EFCAB5: variants seen among roughly 807,000 people sequenced by gnomAD.
EFCAB5 encodes EF-hand calcium binding domain 5, also known as EF-hand calcium-binding domain-containing protein 5.
In EFCAB5, 131 loss-of-function variants were observed where a neutral mutation model predicts 167.9. The ratio of observed to expected loss-of-function variants is 0.78; its 90% CI spans 0.68 to 0.90. The LOEUF (loss-of-function observed/expected upper bound fraction) is 0.90, where lower values mean the gene tolerates loss of function less well. EFCAB5 is among the 40% of genes least tolerant of loss of function. EFCAB5 has a pLI of 0.00. For missense variants in EFCAB5, 1,663 were observed against 1,745.2 expected (o/e 0.95, Z 0.84); for synonymous variants, 574 against 602.8 (o/e 0.95, Z 0.70).
intron 1 of EFCAB5, among the ~76,000 whole-genome samples, chr17:29,931,340 C>T (rs1482557874): frequency 1.3e-5 from 2 of 152,180 alleles, no homozygotes; most frequent in African/African-American, 2.4e-5. Flanking sequence ...ACAGGGCTGT[C>T]ATGAGCTCTT....
At chr17:29,990,009 T>A (rs2068377295) in intron 4 of EFCAB5, among the ~76,000 whole-genome samples, 1 of 152,204 alleles carries the variant, frequency 6.6e-6, no homozygotes, top group Non-Finnish European at 1.5e-5. Flanking sequence ...GAGGACTATA[T>A]CATTGCTCTG....
At position 30,090,655 on chromosome 17, in the gene EFCAB5, A is replaced by G. The variant is rs1404795825; in HGVS notation, c.3918A>G (p.Ile1306Met). Residue 1306 changes from isoleucine to methionine, a missense_variant, in exon 20 of 23, where the codon ATA (isoleucine) becomes ATG (methionine). By Grantham distance (10) the Ile-to-Met change is conservative. Transcript: ENST00000394835. ...TACTTGGCGAGTTCTCTGGAGAGAT[A>G]AAGAAAAAATATATCTTAGGTATCG... The part of the protein sequence containing the change: ...YEILGEFSGE[I>M]KKKYILEIEN... The G allele has an allele frequency of 1.9e-6, 3 of 1,612,594 alleles. No individual in the cohort carries two copies. The highest frequency in any genetic ancestry group is 2.5e-6 in the Non-Finnish European group (3 of 1,179,556).
Position 30,083,154 on chromosome 17 carries a change from C to T in EFCAB5, c.3579+111C>T, listed in dbSNP as rs189013380. 412 of 1,344,930 alleles carry T rather than the reference C, an allele frequency of 3.1e-4. 3 individuals are homozygous for T. Among genetic ancestry groups the T allele is most frequent in the Non-Finnish European group, 4.4e-5 (45 of 1,015,838 alleles). 83.3% of individuals were successfully genotyped at this position (1,344,930 alleles called of 1,614,324 possible). A position where few individuals can be genotyped will look rare whatever the true frequency, so the allele number is the denominator to read the frequency against. On this transcript the variant is annotated intron_variant, in intron 18 of 22. Coordinates refer to ENST00000394835, the MANE Select transcript of EFCAB5 (RefSeq NM_198529.4). ...AATTAGCTATTAGTCTAAAGGAAGA[C>T]AGATTTCCCAATACAAGACCCTTGG...
chr17:30,107,517 T>C (rs567611781), intron 22 of EFCAB5, among the ~76,000 whole-genome samples: 3 of 152,330 alleles, frequency 2.0e-5, no homozygotes, highest in African/African-American at 7.2e-5. Flanking sequence ...TATAATACTA[T>C]CTTGCAGGTT....
At chr17:30,104,120 G>A (rs952280126) in intron 22 of EFCAB5, among the ~76,000 whole-genome samples, 21 of 152,240 alleles carry the variant, frequency 1.4e-4, no homozygotes, top group Admixed American at 6.5e-4. Context: ...GGTATGTGAA[G>A]CAATAGAAAT....
chr17:29,999,731 T>C (rs1391526366), intron 6 of EFCAB5, among the ~76,000 whole-genome samples, 175 bp from the exon 7 acceptor site: 3 of 152,104 alleles, frequency 2.0e-5, no homozygotes, highest in Non-Finnish European at 4.4e-5. Context: ...CCAGGAAAAG[T>C]AATAATTTTG....
chr17:30,081,980 G>A (rs1375654697), intron 17 of EFCAB5, among the ~76,000 whole-genome samples: 1 of 152,124 alleles, frequency 6.6e-6, no homozygotes, highest in Non-Finnish European at 1.5e-5. Context: ...AATATAAAAG[G>A]CATATAATTT....
At chr17:30,068,712 T>A in intron 14 of EFCAB5, 1 of 1,544,756 alleles carries the variant, frequency 6.5e-7, no homozygotes, top group Non-Finnish European at 8.9e-7. Context: ...TGGCAGTGGG[T>A]GGCAGAGTCG....
At chr17:30,085,642 C>G (rs1271173681) in intron 18 of EFCAB5, among the ~76,000 whole-genome samples, 1 of 151,482 alleles carries the variant, frequency 6.6e-6, no homozygotes, top group Non-Finnish European at 1.5e-5. Flanking sequence ...GGCGTGAACC[C>G]GGAAGAGGCA....
chr17:30,005,165 C>T (rs1457871887), intron 7 of EFCAB5, among the ~76,000 whole-genome samples: 1 of 152,104 alleles, frequency 6.6e-6, no homozygotes, highest in Non-Finnish European at 1.5e-5. Context: ...TTCTCCTCAG[C>T]AATGCATGAT....
At chr17:29,976,999 C>T (rs1383792447) in intron 4 of EFCAB5, among the ~76,000 whole-genome samples, 1 of 152,110 alleles carries the variant, frequency 6.6e-6, no homozygotes, top group African/African-American at 2.4e-5. Flanking sequence ...TCTTGAAAGA[C>T]ATAGATATAG....
At chr17:30,030,208 C>A (rs992536786) in intron 7 of EFCAB5, among the ~76,000 whole-genome samples, 1 of 152,144 alleles carries the variant, frequency 6.6e-6, no homozygotes, top group Non-Finnish European at 1.5e-5. Flanking sequence ...TGCCAGCTAG[C>A]CTAAACTTAC....
chr17:30,084,884 G>C (rs2071057853), intron 18 of EFCAB5, among the ~76,000 whole-genome samples: 1 of 152,092 alleles, frequency 6.6e-6, no homozygotes, highest in Non-Finnish European at 1.5e-5. Context: ...TCAGGTTGCT[G>C]TGGGTTAGCT....
At chr17:29,936,121 C>T (rs1287656283) in intron 1 of EFCAB5, among the ~76,000 whole-genome samples, 1 of 152,144 alleles carries the variant, frequency 6.6e-6, no homozygotes, top group Non-Finnish European at 1.5e-5. Context: ...GAATACTATG[C>T]AGCCATAAAA....
intron 14 of EFCAB5, chr17:30,069,477 T>C: frequency 6.3e-7 from 1 of 1,589,282 alleles, no homozygotes; most frequent in Non-Finnish European, 8.6e-7. Context: ...ATTGATGGCG[T>C]TCACCAGTTA....
In EFCAB5 at chr17:30,021,136, A is replaced by T. The variant is rs927168338; in HGVS notation, c.1045-13094A>T. On this transcript the variant is annotated intron_variant, in intron 7 of 22. Transcript: ENST00000394835. ...TGGTTTGTCTACATGATAGGAAATA[A>T]TTTTTTTTTTTTTACTAGGATGTGA... is the stretch of plus-strand genomic sequence containing the variant. 8.2e-5 allele frequency among the ~76,000 whole-genome samples: 12 copies of T among 145,946 alleles called. No individual in the cohort carries two copies. The East Asian group carries it at 2.4e-3, about 29-fold the overall frequency.
chr17:29,996,249 A>G (rs1324955990), intron 5 of EFCAB5, 63 bp from the exon 6 acceptor site: 8 of 1,362,530 alleles, frequency 5.9e-6, no homozygotes, highest in Non-Finnish European at 8.1e-6. Flanking sequence ...CTAAAATAAC[A>G]AATATGTGGT....
chr17:30,003,106 G>C (rs1023090835), intron 7 of EFCAB5, among the ~76,000 whole-genome samples: 12 of 139,636 alleles, frequency 8.6e-5, no homozygotes, highest in East Asian at 2.3e-4. Flanking sequence ...TAGCGGGGGG[G>C]GGGTCTGATA....
chr17:29,985,920 A>G (rs1027993177), intron 4 of EFCAB5, among the ~76,000 whole-genome samples: 16 of 152,336 alleles, frequency 1.1e-4, no homozygotes, highest in African/African-American at 2.6e-4. Flanking sequence ...TTGCAAGACG[A>G]TAAAAGCAAA....
Sources: gnomAD v4.1 joint callset for allele counts (sites outside exome capture counted in the v4.1 genomes callset) on GRCh38, gnomAD v4.1.1 for gene constraint, MANE v1.5 for transcripts, NCBI Gene and HGNC (gene_info 2026-07-23, HGNC 2026-07-21) for gene names.